The following PRR5 variants were observed in gnomAD, a reference collection of about 807,000 sequenced individuals.
The protein encoded by PRR5 is proline rich 5.
PRR5 carries 25 observed loss-of-function variants against 30.6 expected under a neutral mutation model. The ratio of observed to expected loss-of-function variants is 0.82; its 90% CI spans 0.60 to 1.14. The LOEUF (loss-of-function observed/expected upper bound fraction) is 1.14, where lower values mean the gene tolerates loss of function less well. Ranked by LOEUF, PRR5 falls within the 50% of genes most tolerant of loss-of-function variation. The pLI, the probability that PRR5 is intolerant of heterozygous loss-of-function variation, is 0.00. For missense variants in PRR5, 600 were observed against 547.1 expected (o/e 1.10, Z -0.96); for synonymous variants, 286 against 247.1 (o/e 1.16, Z -1.48).
chr22:44,708,051 T>C (rs988390069), intron 1 of PRR5, among the ~76,000 whole-genome samples: 1 of 152,050 alleles, frequency 6.6e-6, no homozygotes, highest in Non-Finnish European at 1.5e-5. Context: ...TGGGGAAACC[T>C]GGCCAGGCGT....
At chr22:44,725,392 C>A in intron 3 of PRR5, 100 bp downstream of exon 3, 1 of 1,524,762 alleles carries the variant, frequency 6.6e-7, no homozygotes. Flanking sequence ...GCCGGCTCCC[C>A]CACTGTCTGC....
At chr22:44,688,174 A>G (rs917127862) in intron 1 of PRR5, among the ~76,000 whole-genome samples, 1 of 150,086 alleles carries the variant, frequency 6.7e-6, no homozygotes, top group African/African-American at 2.4e-5. Context: ...ACTTGAAGTC[A>G]GGAGTTTGAG....
intron 1 of PRR5, chr22:44,679,943 G>A (rs1924121515): frequency 1.5e-5 from 23 of 1,486,514 alleles, no homozygotes; most frequent in Non-Finnish European, 2.1e-5. Flanking sequence ...GAGGGTGAGT[G>A]CAGTGTGGCT....
At chr22:44,720,711 C>T (rs1226673648) in intron 2 of PRR5, among the ~76,000 whole-genome samples, 1 of 152,188 alleles carries the variant, frequency 6.6e-6, no homozygotes, top group Non-Finnish European at 1.5e-5. Context: ...GATCTGAGGC[C>T]GTGTCTGTGC....
chr22:44,713,849 G>C (rs1928632822), intron 1 of PRR5, among the ~76,000 whole-genome samples: 1 of 152,214 alleles, frequency 6.6e-6, no homozygotes, highest in Middle Eastern at 3.2e-3. Context: ...TGTCGCCCAG[G>C]CTGGAGTGCA....
chr22:44,683,854 C>T (rs1383553702), intron 1 of PRR5, among the ~76,000 whole-genome samples: 4 of 152,232 alleles, frequency 2.6e-5, no homozygotes, highest in Non-Finnish European at 4.4e-5. Flanking sequence ...GCAGCTTCCA[C>T]GGATGAACAA....
At chr22:44,710,703 G>A (rs934424674) in intron 1 of PRR5, among the ~76,000 whole-genome samples, 1 of 152,124 alleles carries the variant, frequency 6.6e-6, no homozygotes, top group African/African-American at 2.4e-5. Context: ...AGGAGCAGAG[G>A]TCCTGGGTGT....
upstream of PRR5, among the ~76,000 whole-genome samples, chr22:44,674,106 C>G (rs1427386173): frequency 1.3e-5 from 2 of 152,000 alleles, no homozygotes; most frequent in Non-Finnish European, 2.9e-5. Flanking sequence ...GTCATTGCAG[C>G]ACTACACCTA....
intron 1 of PRR5, among the ~76,000 whole-genome samples, chr22:44,703,532 C>A (rs1926707067): frequency 6.6e-6 from 1 of 152,160 alleles, no homozygotes; most frequent in African/African-American, 2.4e-5. Flanking sequence ...GCCAGCGAGA[C>A]CCTCTTCAAA....
chr22:44,672,327 G>A (rs900606519), upstream of PRR5, among the ~76,000 whole-genome samples: 3 of 152,200 alleles, frequency 2.0e-5, no homozygotes, highest in Admixed American at 1.3e-4. Context: ...GCTCATCCCT[G>A]TAATTCCAGC....
chr22:44,705,296 G>C (rs1053805349), intron 1 of PRR5, among the ~76,000 whole-genome samples: 1 of 151,990 alleles, frequency 6.6e-6, no homozygotes, highest in African/African-American at 2.4e-5. Flanking sequence ...TCATTTCCAC[G>C]TCCAAATCTC....
chr22:44,716,668 A>C (rs952788853), intron 2 of PRR5, among the ~76,000 whole-genome samples: 16 of 152,282 alleles, frequency 1.1e-4, no homozygotes, highest in Admixed American at 7.2e-4. Flanking sequence ...CAGGGCTAAT[A>C]ATGAATAGAG....
intron 1 of PRR5, among the ~76,000 whole-genome samples, chr22:44,670,556 T>G (rs1348031230): frequency 6.6e-6 from 1 of 152,100 alleles, no homozygotes; most frequent in Non-Finnish European, 1.5e-5. Flanking sequence ...CACACCATGG[T>G]GTGGGTGGAT....
At chr22:44,717,483 T>C (rs986712369) in intron 2 of PRR5, among the ~76,000 whole-genome samples, 6 of 151,466 alleles carry the variant, frequency 4.0e-5, no homozygotes, top group Non-Finnish European at 7.4e-5. Flanking sequence ...TGAGCCACCA[T>C]GCCCGGTATC....
At chr22:44,706,511 C>T (rs1053015144) in intron 1 of PRR5, among the ~76,000 whole-genome samples, 1 of 152,078 alleles carries the variant, frequency 6.6e-6, no homozygotes, top group African/African-American at 2.4e-5. Context: ...GATGTTGATT[C>T]TGTAGGTGTG....
chr22:44,688,660 C>T (rs1422916749), intron 1 of PRR5, among the ~76,000 whole-genome samples: 1 of 152,114 alleles, frequency 6.6e-6, no homozygotes, highest in Non-Finnish European at 1.5e-5. Context: ...CTATGCTGGC[C>T]TTCAGTAATG....
At chr22:44,732,807 TACAC>T (rs67000437) in intron 6 of PRR5, among the ~76,000 whole-genome samples, 5 of 139,118 alleles carry the variant, frequency 3.6e-5, no homozygotes, top group East Asian at 2.2e-4. Flanking sequence ...TGCACACGCA[TACAC>T]ACTACACGTG....
intron 1 of PRR5, among the ~76,000 whole-genome samples, chr22:44,711,531 G>A (rs1457664135): frequency 6.6e-6 from 1 of 152,124 alleles, no homozygotes; most frequent in African/African-American, 2.4e-5. Flanking sequence ...GAGTTCCCCA[G>A]GGGAGTTAAT....
Position 44,702,531 on chromosome 22 carries a change from C to A in PRR5, c.57C>A (p.Gly19=). The change falls in exon 1 of 8, where the codon GGC becomes GGA. Residue 19 remains glycine (G), a synonymous_variant. Transcript: ENST00000336985. ...FMSSPSLSDL[G]KREPAAAADE... ...GTTCGCCCAGCCTCAGTGACCTGGG[C>A]AAGAGAGAGCCGGCCGCCGCCGCGG... The A allele has an allele frequency of 1.4e-6, 2 of 1,463,056 alleles. No homozygotes were observed. The highest frequency in any genetic ancestry group is 3.0e-5 in the East Asian group (1 of 33,324). 90.6% of individuals were successfully genotyped at this position (1,463,056 alleles called of 1,614,324 possible).
Sources: gnomAD v4.1 joint callset for allele counts (sites outside exome capture counted in the v4.1 genomes callset) on GRCh38, gnomAD v4.1.1 for gene constraint, MANE v1.5 for transcripts, NCBI Gene and HGNC (gene_info 2026-07-23, HGNC 2026-07-21) for gene names.